The following ANKS1B variants were observed in gnomAD, a reference collection of about 807,000 sequenced individuals.
ANKS1B encodes the protein ankyrin repeat and sterile alpha motif domain-containing protein 1B.
In ANKS1B, 36 loss-of-function variants were observed where a neutral mutation model predicts 148.3. The observed-to-expected ratio is 0.24, with a 90% CI of 0.19 to 0.32. The LOEUF (loss-of-function observed/expected upper bound fraction) is 0.32. Ranked by LOEUF, ANKS1B falls within the 10% of genes least tolerant of loss-of-function variation. The pLI is 1.00. For missense variants in ANKS1B, 1,157 were observed against 1,542.6 expected (o/e 0.75, Z 4.19); for synonymous variants, 542 against 560.8 (o/e 0.97, Z 0.47).
At chr12:99,266,429 T>C (rs576414989) in intron 12 of ANKS1B, among the ~76,000 whole-genome samples, 23 of 152,290 alleles carry the variant, frequency 1.5e-4, no homozygotes, top group African/African-American at 5.5e-4. Flanking sequence ...AAATTTCCAT[T>C]TTACAGATAA....
intron 14 of ANKS1B, among the ~76,000 whole-genome samples, chr12:99,222,334 C>T (rs1198585637): frequency 6.6e-6 from 1 of 152,158 alleles, no homozygotes; most frequent in Non-Finnish European, 1.5e-5. Context: ...ACTCTCTTGG[C>T]CAGGAGTGGT....
chr12:99,346,709 T>C (rs1209550917), intron 12 of ANKS1B, among the ~76,000 whole-genome samples: 1 of 151,924 alleles, frequency 6.6e-6, no homozygotes. Context: ...TTCTGGGATG[T>C]TATTAGATCA....
chr12:98,806,238 C>A (rs1156716819), intron 20 of ANKS1B, among the ~76,000 whole-genome samples: 1 of 152,160 alleles, frequency 6.6e-6, no homozygotes, highest in Non-Finnish European at 1.5e-5. Flanking sequence ...AAAAGCCATG[C>A]TTACAACTTA....
At chr12:99,665,066 TAA>T in intron 8 of ANKS1B, among the ~76,000 whole-genome samples, 3 of 152,320 alleles carry the variant, frequency 2.0e-5, no homozygotes, top group Middle Eastern at 6.8e-3. Flanking sequence ...CCATTACGAA[TAA>T]AGTCGCCATT....
chr12:99,740,640 A>G (rs906710762), intron 8 of ANKS1B, among the ~76,000 whole-genome samples: 3 of 152,218 alleles, frequency 2.0e-5, no homozygotes, highest in Non-Finnish European at 4.4e-5. Context: ...TCCAGTCTGC[A>G]GCTCCCAGTG....
intron 4 of ANKS1B, among the ~76,000 whole-genome samples, chr12:99,795,805 C>G (rs2153650354): frequency 6.6e-6 from 1 of 152,118 alleles, no homozygotes; most frequent in Middle Eastern, 3.4e-3. Flanking sequence ...GTCTTCCATC[C>G]ACAAATTCAA....
chr12:99,974,510 C>T (rs2095601641), intron 1 of ANKS1B, among the ~76,000 whole-genome samples: 1 of 152,130 alleles, frequency 6.6e-6, no homozygotes, highest in Admixed American at 6.5e-5. Context: ...AAATACTTTT[C>T]TATCACCAGC....
intron 15 of ANKS1B, among the ~76,000 whole-genome samples, chr12:99,094,634 C>T (rs1164669762): frequency 6.6e-6 from 1 of 152,086 alleles, no homozygotes; most frequent in African/African-American, 2.4e-5. Context: ...ACATTCCAGG[C>T]AGAAATAACA....
intron 1 of ANKS1B, among the ~76,000 whole-genome samples, chr12:99,848,818 T>TA (rs142524371): frequency 1.9e-3 from 279 of 149,234 alleles, no homozygotes; most frequent in African/African-American, 5.9e-3. Flanking sequence ...GGATTGCATT[T>TA]AAAAAAAAAA....
At chr12:99,439,844 C>G (rs2095520831) in intron 11 of ANKS1B, among the ~76,000 whole-genome samples, 1 of 151,662 alleles carries the variant, frequency 6.6e-6, no homozygotes, top group Non-Finnish European at 1.5e-5. Context: ...TGTGTATATT[C>G]ATAGCATATT....
chr12:99,923,542 A>T (rs1376334542), intron 1 of ANKS1B, among the ~76,000 whole-genome samples: 1 of 152,186 alleles, frequency 6.6e-6, no homozygotes, highest in Non-Finnish European at 1.5e-5. Context: ...GCCAGTAAGG[A>T]GTAATCCAGG....
In ANKS1B at chr12:98,945,834, C is replaced by A. The variant is rs761928758; in HGVS notation, c.2778+107323G>T. On this transcript the variant is annotated intron_variant, in intron 17 of 26. Coordinates refer to ENST00000683438, the MANE Select transcript of ANKS1B (RefSeq NM_001352186.2). ...CATAAAGCTCATGTGCTACTGAATTCAGCACTTCACCATCGGCAAAATCAA... is the reference window on the plus strand; with the variant it reads ...CATAAAGCTCATGTGCTACTGAATTAAGCACTTCACCATCGGCAAAATCAA... Among the ~76,000 whole-genome samples the A allele has an allele frequency of 7.2e-5, 11 of 152,308 alleles. No homozygotes were observed. The South Asian group carries it at 2.1e-3, about 29-fold the overall frequency.
At chr12:99,088,237 A>C (rs1223925022) in intron 15 of ANKS1B, among the ~76,000 whole-genome samples, 1 of 152,056 alleles carries the variant, frequency 6.6e-6, no homozygotes, top group African/African-American at 2.4e-5. Flanking sequence ...AAAATATCCT[A>C]GTACATCATT....
At chr12:98,874,774 G>A (rs567363864) in intron 17 of ANKS1B, among the ~76,000 whole-genome samples, 2 of 152,180 alleles carry the variant, frequency 1.3e-5, no homozygotes, top group Non-Finnish European at 2.9e-5. Flanking sequence ...ACACATGAAA[G>A]GAGAAAAATG....
chr12:99,945,596 G>A (rs911232812), intron 1 of ANKS1B, among the ~76,000 whole-genome samples: 5 of 152,158 alleles, frequency 3.3e-5, no homozygotes, highest in African/African-American at 4.8e-5. Flanking sequence ...CCAGGTCTGC[G>A]AGGCAAGTCC....
intron 12 of ANKS1B, among the ~76,000 whole-genome samples, chr12:99,371,705 G>T (rs539595193): frequency 1.3e-5 from 2 of 152,144 alleles, no homozygotes; most frequent in South Asian, 4.2e-4. Flanking sequence ...CATATCTAAA[G>T]AACAGGTCTT....
At chr12:99,400,668 CCTTT>C (rs2094379680) in intron 11 of ANKS1B, among the ~76,000 whole-genome samples, 1 of 144,510 alleles carries the variant, frequency 6.9e-6, no homozygotes, top group African/African-American at 2.6e-5. Context: ...TTCAACTCTA[CCTTT>C]CTTACTTTTT....
chr12:98,737,495 G>A (rs564790415), intron 9 of ANKS1B, among the ~76,000 whole-genome samples: 12 of 152,240 alleles, frequency 7.9e-5, no homozygotes, highest in East Asian at 7.7e-4. Flanking sequence ...CCAGTAAATC[G>A]TAAGCTCCTT....
At chr12:99,883,624 A>G (rs1045637945) in intron 1 of ANKS1B, among the ~76,000 whole-genome samples, 4 of 149,664 alleles carry the variant, frequency 2.7e-5, no homozygotes, top group African/African-American at 9.8e-5. Context: ...GGCAGGGGGG[A>G]ATCTGCAAAT....
Sources: gnomAD v4.1 joint callset for allele counts (sites outside exome capture counted in the v4.1 genomes callset) on GRCh38, gnomAD v4.1.1 for gene constraint, MANE v1.5 for transcripts, NCBI Gene and HGNC (gene_info 2026-07-23, HGNC 2026-07-21) for gene names.